Variants in DNAH2 observed in about 807,000 individuals in gnomAD.
The protein encoded by DNAH2 is axonemal beta dynein heavy chain 2.
A neutral mutation model predicts 523.5 loss-of-function variants in DNAH2; 323 were observed. The ratio of observed to expected loss-of-function variants is 0.62; its 90% CI spans 0.56 to 0.68. The LOEUF (loss-of-function observed/expected upper bound fraction) is 0.68. DNAH2 is among the 30% of genes least tolerant of loss of function. The probability of loss-of-function intolerance (pLI) is 0.00; values close to 1 mark genes in which losing one functional copy is unlikely to be tolerated. For synonymous variants in DNAH2, 2,093 were observed against 2,177.4 expected, an observed-to-expected ratio of 0.96 and a Z score of 1.08; for missense variants, 4,907 against 5,701.5, an observed-to-expected ratio of 0.86 and a Z score of 4.49.
intron 77 of DNAH2, among the ~76,000 whole-genome samples, chr17:7,829,641 C>T (rs535525435): frequency 4.5e-4 from 69 of 151,998 alleles, no homozygotes; most frequent in Admixed American, 1.3e-4. Context: ...GTTAGTTGAA[C>T]GTATATGTAC....
chr17:7,730,885 C>T lies in DNAH2; in HGVS notation c.400-2202C>T, dbSNP rs552386549. On this transcript the variant is annotated intron_variant, in intron 4 of 85. Coordinates refer to ENST00000572933, the MANE Select transcript of DNAH2 (RefSeq NM_020877.5). The stretch of plus-strand genomic sequence containing the variant: ...ATCCTAGCACTTTGGGAGGCCAAGG[C>T]GGGTGGATTGCCTGAGCTCAGGAGT... Among the ~76,000 whole-genome samples the T allele has an allele frequency of 8.6e-5, 13 of 152,046 alleles. No individual in the cohort carries two copies. The South Asian group carries it at 1.0e-3, about 12-fold the overall frequency.
chr17:7,827,635 G>A (rs988456510), intron 77 of DNAH2, among the ~76,000 whole-genome samples: 4 of 151,874 alleles, frequency 2.6e-5, no homozygotes, highest in Non-Finnish European at 5.9e-5. Context: ...TTGTAGAGAC[G>A]GGGTTTCACC....
At chr17:7,814,067 C>T (rs758865469) in intron 63 of DNAH2, among the ~76,000 whole-genome samples, 36 of 151,330 alleles carry the variant, frequency 2.4e-4, no homozygotes, top group Non-Finnish European at 4.4e-4. Flanking sequence ...GAAAGCTACA[C>T]GGGAAACTAG....
At position 7,818,783 on chromosome 17, in the gene DNAH2, C is replaced by A; in HGVS notation, c.10670+7C>A. ...TGGAGGATGAGATCCTGCGGTGAGGCCCTGCCTTCCCCTCCCACTGCCCCA... is the reference window on the plus strand; with the variant it reads ...TGGAGGATGAGATCCTGCGGTGAGGACCTGCCTTCCCCTCCCACTGCCCCA... On this transcript the variant is annotated splice_region_variant and intron_variant, in intron 70 of 85. Transcript: ENST00000572933. The A allele has an allele frequency of 6.2e-7, 1 of 1,613,914 alleles. No individual in the cohort carries two copies. The highest frequency in any genetic ancestry group is 2.2e-5 in the East Asian group (1 of 44,878).
intron 56 of DNAH2, among the ~76,000 whole-genome samples, chr17:7,800,083 G>A (rs1015351892): frequency 3.3e-5 from 5 of 152,102 alleles, no homozygotes; most frequent in African/African-American, 4.8e-5. Flanking sequence ...ACGGAGTCTC[G>A]CTGTGTTGCC....
Position 7,765,391 on chromosome 17 carries a change from GT to G in DNAH2, c.3338del (p.Val1113AlafsTer26). ...EKYEVPVEDS[V>X]LEMLDSLNGE... The stretch of plus-strand genomic sequence containing the variant: ...ATCCTCCACTCTCTGACTCCCCCAG[GT>G]CCTGGAGATGCTGGACAGTCTCAAC... On this transcript the variant is annotated frameshift_variant and splice_region_variant, in exon 21 of 86. Coordinates refer to ENST00000572933, the MANE Select transcript of DNAH2 (RefSeq NM_020877.5). LOFTEE classifies it high-confidence loss of function. 1 of 1,612,318 alleles carries G rather than the reference GT, an allele frequency of 6.2e-7. No individual in the cohort carries two copies. The highest frequency in any genetic ancestry group is 1.3e-5 in the African/African-American group (1 of 75,016).
intron 2 of DNAH2, among the ~76,000 whole-genome samples, chr17:7,723,216 C>A (rs975666771): frequency 2.8e-4 from 42 of 149,230 alleles, no homozygotes; most frequent in East Asian, 9.8e-4. Flanking sequence ...ATGATCCGCC[C>A]GCCTTGGCCT....
intron 3 of DNAH2, among the ~76,000 whole-genome samples, chr17:7,726,044 C>T (rs1246752193): frequency 4.0e-5 from 6 of 151,766 alleles, no homozygotes; most frequent in African/African-American, 9.7e-5. Flanking sequence ...CTTGCTCTGT[C>T]GCCCAGGCTG....
chr17:7,769,709 A>G (rs965135854), intron 24 of DNAH2, among the ~76,000 whole-genome samples: 37 of 152,362 alleles, frequency 2.4e-4, no homozygotes, highest in African/African-American at 8.4e-4. Flanking sequence ...ATTTATAAAA[A>G]TAAAGTAATT....
At chr17:7,796,763 C>T in intron 50 of DNAH2, 111 bp downstream of exon 50, 1 of 1,246,210 alleles carries the variant, frequency 8.0e-7, no homozygotes. Flanking sequence ...AAGTCACCCC[C>T]ATGCTGAAGT....
chr17:7,830,597 C>T (rs969731688), intron 78 of DNAH2, 61 bp from the exon 79 acceptor site: 5 of 1,609,458 alleles, frequency 3.1e-6, no homozygotes, highest in Non-Finnish European at 4.3e-6. Flanking sequence ...TGTTGAAGCC[C>T]CATTGGCAGA....
chr17:7,727,428 G>T, intron 4 of DNAH2, 136 bp downstream of exon 4: 6 of 1,196,582 alleles, frequency 5.0e-6, no homozygotes, highest in Non-Finnish European at 6.8e-6. Context: ...CACCCTACTT[G>T]GTGGCAAGGA....
At position 7,776,226 on chromosome 17, in the gene DNAH2, G is replaced by A. The variant is rs539809885; in HGVS notation, c.4947+77G>A. ...CACGCCTGTAATCCCAGCACTTTGG[G>A]AGGCCGAGGTGGGCAGATCACTTGA... On this transcript the variant is annotated intron_variant, in intron 31 of 85. Transcript: ENST00000572933. 3.3e-5 allele frequency: 51 copies of A among 1,534,556 alleles called. 2 individuals carry two copies. In the South Asian group the frequency reaches 5.9e-4, roughly 18 times the overall value.
In DNAH2 at chr17:7,792,969, C is replaced by A; in HGVS notation, c.7345-12C>A. On this transcript the variant is annotated splice_polypyrimidine_tract_variant and intron_variant, in intron 47 of 85. Transcript: ENST00000572933. The stretch of plus-strand genomic sequence containing the variant: ...AGGGGACCCACACATTCATTCGGTA[C>A]CTTTTCACCAGACCACATCCAATAA... 6.2e-7 allele frequency: 1 copy of A among 1,603,788 alleles called. No individual in the cohort carries two copies. The highest frequency in any genetic ancestry group is 8.5e-7 in the Non-Finnish European group (1 of 1,171,788).
intron 49 of DNAH2, 68 bp from the exon 50 acceptor site, chr17:7,796,396 T>G: frequency 6.5e-7 from 1 of 1,550,094 alleles, no homozygotes; most frequent in Non-Finnish European, 8.7e-7. Context: ...TGAGCCAAGC[T>G]CTTTATTGGC....
intron 35 of DNAH2, 78 bp downstream of exon 35, chr17:7,778,547 G>C: frequency 1.5e-6 from 2 of 1,370,636 alleles, no homozygotes; most frequent in Non-Finnish European, 2.0e-6. Flanking sequence ...ACCCAAATCT[G>C]GTTCAGTGCT....
rs1314987711 is a variant in DNAH2, at chr17:7,797,119, A to C, written c.7864-57A>C. On this transcript the variant is annotated intron_variant, in intron 50 of 85. Coordinates refer to ENST00000572933, the MANE Select transcript of DNAH2 (RefSeq NM_020877.5). Reference sequence around the variant, plus strand: ...TCTGTCCCAAAAAAAAAAAAAAAAAAAACTTCTGGAGGGAATCTTTTTGCT... The same window carrying C: ...TCTGTCCCAAAAAAAAAAAAAAAAACAACTTCTGGAGGGAATCTTTTTGCT... 7 of 1,489,886 alleles carry C rather than the reference A, an allele frequency of 4.7e-6. No individual in the cohort carries two copies. The Admixed American group carries it at 8.0e-5, about 17-fold the overall frequency. 92.3% of individuals were successfully genotyped at this position (1,489,886 alleles called of 1,614,324 possible).
intron 3 of DNAH2, among the ~76,000 whole-genome samples, chr17:7,725,432 A>ATATG (rs1032736708): frequency 1.5e-5 from 2 of 136,386 alleles, no homozygotes; most frequent in Admixed American, 7.6e-5. Flanking sequence ...GTGAATATAT[A>ATATG]TATATATATT....
chr17:7,777,353 C>T lies in DNAH2; in HGVS notation c.5059-93C>T, dbSNP rs189710109. 2.0e-5 allele frequency: 28 copies of T among 1,411,172 alleles called. No homozygotes were observed. In the South Asian group the frequency reaches 2.1e-4, roughly 11 times the overall value. 87.4% of individuals were successfully genotyped at this position (1,411,172 alleles called of 1,614,324 possible). ...GAGTTACAGCAGGTGGGGTCAGCAC[C>T]GGGTTGGAAGCGGTGCTGGGTAGGG... On this transcript the variant is annotated intron_variant, in intron 32 of 85. Transcript: ENST00000572933.
Sources: allele counts gnomAD v4.1 joint callset (sites outside exome capture counted in the v4.1 genomes callset), GRCh38; gene constraint gnomAD v4.1.1; transcripts MANE v1.5; gene names NCBI Gene and HGNC (gene_info 2026-07-23, HGNC 2026-07-21).